WWP1: variants seen among roughly 807,000 people sequenced by gnomAD.
The protein encoded by WWP1 is NEDD4-like E3 ubiquitin-protein ligase WWP1.
In WWP1, 49 loss-of-function variants were observed where a neutral mutation model predicts 130.6. The observed-to-expected ratio is 0.38, with a 90% CI of 0.30 to 0.48. The LOEUF is 0.48. Ranked by LOEUF, WWP1 falls within the 20% of genes least tolerant of loss-of-function variation. WWP1 has a pLI of 0.99. For missense variants in WWP1, 809 were observed against 1,100.6 expected, an observed-to-expected ratio of 0.74 and a Z score of 3.75; for synonymous variants, 332 against 367.8, an observed-to-expected ratio of 0.90 and a Z score of 1.11.
intron 24 of WWP1, among the ~76,000 whole-genome samples, chr8:86,464,398 G>A (rs750387459): frequency 6.6e-6 from 1 of 152,042 alleles, no homozygotes; most frequent in Non-Finnish European, 1.5e-5. Flanking sequence ...CCATTAAAAT[G>A]TTATGTTTAT....
intron 1 of WWP1, among the ~76,000 whole-genome samples, chr8:86,349,490 C>G (rs1452019029): frequency 6.6e-6 from 1 of 152,226 alleles, no homozygotes; most frequent in Non-Finnish European, 1.5e-5. Flanking sequence ...TTAAGTATAA[C>G]ATCAGCTTTA....
chr8:86,364,811 G>GAA (rs1284775799), intron 1 of WWP1, among the ~76,000 whole-genome samples: 1 of 113,324 alleles, frequency 8.8e-6, no homozygotes, highest in Non-Finnish European at 1.9e-5. Flanking sequence ...TGCCTCGAAA[G>GAA]AAAGAAAGAA....
At chr8:86,457,851 A>C (rs1317375136) in intron 21 of WWP1, 70 bp from the exon 22 acceptor site, 4 of 1,453,428 alleles carry the variant, frequency 2.8e-6, no homozygotes, top group Non-Finnish European at 3.8e-6. Flanking sequence ...CTGCATTAGG[A>C]AATTTCAGTC....
At position 86,466,772 on chromosome 8, in the gene WWP1, TTTTG is replaced by T. The variant is rs757172016; in HGVS notation, c.2670-18_2670-15del. 8.5e-5 allele frequency: 125 copies of T among 1,464,798 alleles called. No individual in the cohort carries two copies. The highest frequency in any genetic ancestry group is 2.4e-4 in the Middle Eastern group (1 of 4,242). The allele number at this position is 1,464,798 out of a possible 1,614,324, so 90.7% of individuals were successfully genotyped here. On this transcript the variant is annotated intron_variant, in intron 24 of 24. Transcript: ENST00000517970. ...TTTTCATTTTATTGAAAACATCTGA[TTTTG>T]TTTTTGTTTCTGTTCAGTTTTAATC...
chr8:86,384,965 A>G (rs994232139), intron 5 of WWP1, among the ~76,000 whole-genome samples: 1 of 151,776 alleles, frequency 6.6e-6, no homozygotes, highest in East Asian at 1.9e-4. Flanking sequence ...TGGTGGTTGC[A>G]GTGAGCCAAG....
At chr8:86,407,927 A>G (rs1808369975) in intron 8 of WWP1, among the ~76,000 whole-genome samples, 1 of 152,174 alleles carries the variant, frequency 6.6e-6, no homozygotes, top group South Asian at 2.1e-4. Flanking sequence ...ACATTACCTT[A>G]TATTAACTAA....
At chr8:86,440,597 A>G (rs1166323292) in intron 17 of WWP1, 1 of 429,534 alleles carries the variant, frequency 2.3e-6, no homozygotes, top group Non-Finnish European at 4.6e-6. Flanking sequence ...CAATAATTTC[A>G]CTGTTGATTG....
chr8:86,354,738 T>G (rs1487245862), intron 1 of WWP1, among the ~76,000 whole-genome samples: 3 of 152,184 alleles, frequency 2.0e-5, no homozygotes, highest in Non-Finnish European at 4.4e-5. Context: ...TGTGAGGGGC[T>G]TTCTTTACCT....
intron 14 of WWP1, among the ~76,000 whole-genome samples, chr8:86,433,808 C>A (rs1810128637): frequency 1.3e-5 from 2 of 152,136 alleles, no homozygotes; most frequent in Non-Finnish European, 2.9e-5. Flanking sequence ...ATCCCAGCTA[C>A]TCAGGAGGCT....
At chr8:86,361,318 A>C (rs2130197270) in intron 1 of WWP1, among the ~76,000 whole-genome samples, 1 of 152,276 alleles carries the variant, frequency 6.6e-6, no homozygotes, top group Admixed American at 6.5e-5. Context: ...TTACCCCTGC[A>C]TCTCAGTAGT....
chr8:86,388,422 A>C (rs978001451), intron 5 of WWP1, among the ~76,000 whole-genome samples: 1 of 152,148 alleles, frequency 6.6e-6, no homozygotes, highest in Admixed American at 6.5e-5. Flanking sequence ...TGTAAGGATC[A>C]ATTCTGGAAG....
intron 9 of WWP1, among the ~76,000 whole-genome samples, chr8:86,421,228 A>C (rs1247298436): frequency 6.6e-6 from 1 of 151,100 alleles, no homozygotes; most frequent in East Asian, 1.9e-4. Context: ...CCAGTGTAGG[A>C]TATAATAGGC....
intron 5 of WWP1, among the ~76,000 whole-genome samples, chr8:86,392,184 C>T (rs903355778): frequency 6.6e-6 from 1 of 152,130 alleles, no homozygotes; most frequent in African/African-American, 2.4e-5. Context: ...ATCATTTGTG[C>T]TGAGTTTGCA....
intron 5 of WWP1, among the ~76,000 whole-genome samples, chr8:86,389,921 G>C (rs918392444): frequency 5.3e-5 from 8 of 150,284 alleles, no homozygotes; most frequent in Admixed American, 4.0e-4. Flanking sequence ...GGGCGGAGAC[G>C]CTCCTCACTT....
At chr8:86,361,991 T>TATATACACACATATATATATAC (rs1563465126) in intron 1 of WWP1, among the ~76,000 whole-genome samples, 10 of 128,190 alleles carry the variant, frequency 7.8e-5, no homozygotes, top group South Asian at 7.8e-4. Flanking sequence ...TATATATATA[T>TATATACACACATATATATATAC]ACATATATAT....
At chr8:86,411,946 T>C in intron 9 of WWP1, 72 bp downstream of exon 9, 1 of 1,343,570 alleles carries the variant, frequency 7.4e-7, no homozygotes, top group Non-Finnish European at 1.0e-6. Flanking sequence ...ATTGAATGTG[T>C]GCATAAAATG....
intron 5 of WWP1, among the ~76,000 whole-genome samples, chr8:86,384,051 A>G (rs561307973): frequency 4.6e-5 from 7 of 152,236 alleles, no homozygotes; most frequent in African/African-American, 1.7e-4. Flanking sequence ...TTGTAGATGG[A>G]CATCTTTTCC....
intron 1 of WWP1, among the ~76,000 whole-genome samples, chr8:86,348,574 A>G (rs1021919565): frequency 6.6e-6 from 1 of 152,274 alleles, no homozygotes; most frequent in African/African-American, 2.4e-5. Flanking sequence ...CGTACCTACT[A>G]TGTGCCAGAC....
At chr8:86,387,804 A>G (rs557202778) in intron 5 of WWP1, among the ~76,000 whole-genome samples, 26 of 152,300 alleles carry the variant, frequency 1.7e-4, no homozygotes, top group African/African-American at 5.3e-4. Context: ...GATTATAGGC[A>G]TGACCCACTG....
Sources: gnomAD v4.1 joint callset for allele counts (sites outside exome capture counted in the v4.1 genomes callset) on GRCh38, gnomAD v4.1.1 for gene constraint, MANE v1.5 for transcripts, NCBI Gene and HGNC (gene_info 2026-07-23, HGNC 2026-07-21) for gene names.